The following GHR variants were observed in gnomAD, a reference collection of about 807,000 sequenced individuals.
The protein encoded by GHR is growth hormone receptor, also known as GH receptor.
Under a neutral mutation model 67.1 loss-of-function variants are expected in GHR, and 35 were observed. The observed-to-expected ratio is 0.52, with a 90% CI of 0.40 to 0.69. The LOEUF (loss-of-function observed/expected upper bound fraction) is 0.69. GHR is among the 30% of genes least tolerant of loss of function. GHR has a pLI of 0.00. For missense variants in GHR, 792 were observed against 764.6 expected (o/e 1.04, Z -0.42); for synonymous variants, 272 against 269.1 (o/e 1.01, Z -0.10).
chr5:42,609,680 G>A (rs771340133), intron 2 of GHR, among the ~76,000 whole-genome samples: 2 of 152,144 alleles, frequency 1.3e-5, no homozygotes, highest in African/African-American at 2.4e-5. Context: ...GGTTCAAAGA[G>A]GGTAATAAAT....
intron 2 of GHR, among the ~76,000 whole-genome samples, chr5:42,607,029 A>ATGACAG: frequency 6.6e-6 from 1 of 152,096 alleles, no homozygotes; most frequent in East Asian, 1.9e-4. Flanking sequence ...AAGCATTCTC[A>ATGACAG]TGATAGTGAG....
chr5:42,442,852 T>A (rs998073863), intron 1 of GHR, among the ~76,000 whole-genome samples: 12 of 152,246 alleles, frequency 7.9e-5, no homozygotes, highest in African/African-American at 2.4e-4. Flanking sequence ...ATTTTCTTTT[T>A]CACAAATCAA....
At chr5:42,697,987 T>C (rs950952829) in intron 5 of GHR, among the ~76,000 whole-genome samples, 4 of 152,050 alleles carry the variant, frequency 2.6e-5, no homozygotes, top group African/African-American at 9.7e-5. Context: ...TGACGGAATG[T>C]GGATTAGTGA....
At chr5:42,432,059 C>T (rs1392545690) in intron 1 of GHR, among the ~76,000 whole-genome samples, 1 of 152,144 alleles carries the variant, frequency 6.6e-6, no homozygotes, top group Non-Finnish European at 1.5e-5. Flanking sequence ...CTGTGCTAGA[C>T]ATTTGCTGTA....
intron 1 of GHR, among the ~76,000 whole-genome samples, chr5:42,434,652 A>G (rs145992340): frequency 3.3e-5 from 5 of 152,316 alleles, no homozygotes; most frequent in African/African-American, 7.2e-5. Flanking sequence ...GGCTATAACT[A>G]TGGAATAGCA....
At chr5:42,637,932 A>ATGGTTGGT (rs566689209) in intron 3 of GHR, among the ~76,000 whole-genome samples, 219 of 150,312 alleles carry the variant, frequency 1.5e-3, no homozygotes, top group African/African-American at 4.9e-3. Context: ...CAGCTATAAT[A>ATGGTTGGT]TGGTTGTTTG....
chr5:42,479,244 CA>C (rs1745492943), intron 1 of GHR, among the ~76,000 whole-genome samples: 1 of 152,206 alleles, frequency 6.6e-6, no homozygotes, highest in Non-Finnish European at 1.5e-5. Flanking sequence ...CCAGCTTGAT[CA>C]TGGTGGATAA....
chr5:42,425,055 G>A (rs1256461493), intron 1 of GHR: 1 of 975,996 alleles, frequency 1.0e-6, no homozygotes, highest in Non-Finnish European at 1.2e-6. Context: ...GAAGGCCAAA[G>A]TGTTGGGAAG....
At chr5:42,627,338 G>A (rs1267012535) in intron 2 of GHR, among the ~76,000 whole-genome samples, 1 of 152,128 alleles carries the variant, frequency 6.6e-6, no homozygotes, top group African/African-American at 2.4e-5. Flanking sequence ...GTCTAGGCGT[G>A]AGACCAAAAG....
intron 3 of GHR, among the ~76,000 whole-genome samples, chr5:42,647,370 C>A (rs1754790044): frequency 6.6e-6 from 1 of 151,862 alleles, no homozygotes; most frequent in Admixed American, 6.6e-5. Context: ...ATCAGGAAAT[C>A]GAGACCATCC....
At chr5:42,588,526 C>CAAAAAAAAAAAT (rs1751606032) in intron 2 of GHR, among the ~76,000 whole-genome samples, 1 of 45,142 alleles carries the variant, frequency 2.2e-5, no homozygotes, top group Non-Finnish European at 4.1e-5. Context: ...AACTCCATCT[C>CAAAAAAAAAAAT]AAAAAAAAAA....
At chr5:42,489,323 G>C (rs570799553) in intron 1 of GHR, among the ~76,000 whole-genome samples, 53 of 151,712 alleles carry the variant, frequency 3.5e-4, no homozygotes, top group Non-Finnish European at 4.4e-4. Flanking sequence ...TAGCAATATC[G>C]TATCCTAACC....
intron 3 of GHR, among the ~76,000 whole-genome samples, chr5:42,680,421 A>G (rs1453435890): frequency 6.6e-6 from 1 of 151,976 alleles, no homozygotes; most frequent in South Asian, 2.1e-4. Flanking sequence ...GCCAAAAGTC[A>G]TTTGATCCAA....
chr5:42,664,729 CA>C (rs1338497595), intron 3 of GHR, among the ~76,000 whole-genome samples: 2 of 152,120 alleles, frequency 1.3e-5, no homozygotes, highest in Non-Finnish European at 2.9e-5. Context: ...GCAACAAAAG[CA>C]AAAATTGACA....
intron 2 of GHR, among the ~76,000 whole-genome samples, chr5:42,616,885 G>A (rs1226984816): frequency 6.6e-6 from 1 of 152,008 alleles, no homozygotes; most frequent in East Asian, 1.9e-4. Context: ...AAATGCCTCT[G>A]AGAAGTTAAG....
At chr5:42,489,671 T>C (rs1746029929) in intron 1 of GHR, among the ~76,000 whole-genome samples, 1 of 152,202 alleles carries the variant, frequency 6.6e-6, no homozygotes, top group Admixed American at 6.5e-5. Context: ...TGTAGAGGGT[T>C]GCTTTAGAGA....
intron 2 of GHR, among the ~76,000 whole-genome samples, chr5:42,574,708 A>G (rs1265832780): frequency 6.6e-6 from 1 of 152,240 alleles, no homozygotes; most frequent in Admixed American, 6.5e-5. Context: ...GAAGAATATT[A>G]ATAACCAAAA....
intron 1 of GHR, among the ~76,000 whole-genome samples, chr5:42,492,015 A>G (rs1057250913): frequency 1.3e-5 from 2 of 152,262 alleles, no homozygotes; most frequent in African/African-American, 4.8e-5. Context: ...ATAAATCTCA[A>G]GGCCTCTTTT....
rs6181 is a variant in GHR, at chr5:42,699,920, G to A, written c.536G>A (p.Arg179His). The A allele has an allele frequency of 2.4e-4, 378 of 1,595,846 alleles. No individual in the cohort carries two copies. In the African/African-American group the frequency reaches 3.6e-3, roughly 15 times the overall value. Residue 179 changes from arginine (R) to histidine (H), a missense_variant, in exon 6 of 10, where the codon CGC becomes CAC. Physicochemically the swap from Arg to His is conservative, Grantham distance 29 (BLOSUM62 0). Coordinates refer to ENST00000230882, the MANE Select transcript of GHR (RefSeq NM_000163.5). Reference protein sequence around the residue: ...ADIQVRWEAPRNADIQKGWMV... With the variant: ...ADIQVRWEAPHNADIQKGWMV... The stretch of plus-strand genomic sequence containing the variant: ...ATCCAAGTGAGATGGGAAGCACCAC[G>A]CAATGCAGATATTCAGAAAGGATGG...
Sources: gnomAD v4.1 joint callset for allele counts (sites outside exome capture counted in the v4.1 genomes callset) on GRCh38, gnomAD v4.1.1 for gene constraint, MANE v1.5 for transcripts, NCBI Gene and HGNC (gene_info 2026-07-23, HGNC 2026-07-21) for gene names.